Variants in TAAR1 observed in about 807,000 individuals in gnomAD.
TAAR1 encodes trace amine-associated receptor 1.
In TAAR1, 1 loss-of-function variant was observed where a neutral mutation model predicts 1.2. The ratio of observed to expected loss-of-function variants is 0.81; its 90% CI spans 0.29 to 3.86. The LOEUF (loss-of-function observed/expected upper bound fraction) is 3.86, where lower values mean the gene tolerates loss of function less well. TAAR1 is among the 30% of genes most tolerant of loss of function. The pLI, the probability that TAAR1 is intolerant of heterozygous loss-of-function variation, is 0.18. For synonymous variants in TAAR1, 153 were observed against 132.2 expected (o/e 1.16, Z -1.08); for missense variants, 445 against 405.6 (o/e 1.10, Z -0.83).
intron 1 of TAAR1, among the ~76,000 whole-genome samples, chr6:132,648,871 A>G (rs1777716638): frequency 1.3e-5 from 2 of 152,192 alleles, no homozygotes; most frequent in Admixed American, 6.5e-5. Context: ...GAAGTTAACA[A>G]ATTGCTGTTT....
intron 1 of TAAR1, among the ~76,000 whole-genome samples, chr6:132,647,623 GGA>G (rs1491058975): frequency 1.9e-5 from 2 of 103,070 alleles, no homozygotes; most frequent in Non-Finnish European, 3.6e-5. Context: ...GAAAGAAAAA[GGA>G]AAGAAAGAAA....
chr6:132,649,276 TA>T (rs1226909200), intron 1 of TAAR1, among the ~76,000 whole-genome samples: 1 of 152,146 alleles, frequency 6.6e-6, no homozygotes, highest in Admixed American at 6.6e-5. Flanking sequence ...TTGTTCTAAC[TA>T]AAACTCTCTC....
chr6:132,658,214 G>A (rs1012231290), intron 1 of TAAR1, among the ~76,000 whole-genome samples: 1 of 152,060 alleles, frequency 6.6e-6, no homozygotes, highest in African/African-American at 2.4e-5. Context: ...GGGGGAAAGA[G>A]ACCAGGGTGA....
intron 1 of TAAR1, among the ~76,000 whole-genome samples, chr6:132,652,885 A>T (rs1206216434): frequency 3.3e-5 from 5 of 151,714 alleles, no homozygotes; most frequent in Non-Finnish European, 7.4e-5. Flanking sequence ...TCAATAGCTG[A>T]TATTGAACAA....
chr6:132,657,684 AAT>A (rs1325109667), intron 1 of TAAR1, among the ~76,000 whole-genome samples: 1 of 152,070 alleles, frequency 6.6e-6, no homozygotes, highest in East Asian at 1.9e-4. Flanking sequence ...TCCAATTCTC[AAT>A]ATTGTTTACT....
rs1777639788 is a variant in TAAR1, at chr6:132,644,750, T to G, written c.*234A>C. 6.6e-6 allele frequency among the ~76,000 whole-genome samples: 1 copy of G among 152,076 alleles called. No homozygotes were observed. Among genetic ancestry groups the G allele is most frequent in the Non-Finnish European group, 1.5e-5 (1 of 67,978 alleles). ...GAAAAGTTATATAAAATGTAGGCCTTTAAATACTGGATTTGCAAAGTTCCA... is the reference window on the plus strand; with the variant it reads ...GAAAAGTTATATAAAATGTAGGCCTGTAAATACTGGATTTGCAAAGTTCCA... On this transcript the variant is annotated 3_prime_UTR_variant, in exon 2 of 2. Coordinates refer to ENST00000275216, the MANE Select transcript of TAAR1 (RefSeq NM_138327.4).
Position 132,644,204 on chromosome 6 carries a change from T to A in TAAR1, c.*780A>T, listed in dbSNP as rs1777631997. On this transcript the variant is annotated 3_prime_UTR_variant, in exon 2 of 2. Coordinates refer to ENST00000275216, the MANE Select transcript of TAAR1 (RefSeq NM_138327.4). The stretch of plus-strand genomic sequence containing the variant: ...TTATACAGCCACAAAAAGGGATTAC[T>A]CATAGCTCAAACCTCAGCATCATGC... Among the ~76,000 whole-genome samples, 1 of 152,018 alleles carries A rather than the reference T, an allele frequency of 6.6e-6. No individual in the cohort carries two copies. Among genetic ancestry groups the A allele is most frequent in the Non-Finnish European group, 1.5e-5 (1 of 67,938 alleles).
intron 1 of TAAR1, among the ~76,000 whole-genome samples, 23 bp downstream of exon 1, chr6:132,659,107 C>T (rs1317125223): frequency 6.6e-6 from 1 of 152,096 alleles, no homozygotes; most frequent in East Asian, 1.9e-4. Context: ...TTTGGTTTGG[C>T]TGTTCAGCAA....
chr6:132,645,314 C>T lies in TAAR1; in HGVS notation c.690G>A (p.Lys230=), dbSNP rs772679215. The T allele has an allele frequency of 1.2e-6, 2 of 1,613,504 alleles. No individual in the cohort carries two copies. The highest frequency in any genetic ancestry group is 1.1e-5 in the South Asian group (1 of 91,062). Residue 230 remains lysine (K), a synonymous_variant, in exon 2 of 2, where the codon AAG becomes AAA. Transcript: ENST00000275216. ...QARLISDANQ[K]LQIGLEMKNG... is the part of the protein sequence containing the mutation. ...TTTTCATTTCCAATCCAATTTGGAG[C>T]TTCTGATTGGCATCACTAATTAATC...
In TAAR1 at chr6:132,645,507, T is replaced by C. The variant is rs998277308; in HGVS notation, c.497A>G (p.Lys166Arg). 6.2e-7 allele frequency: 1 copy of C among 1,613,598 alleles called. No homozygotes were observed. The highest frequency in any genetic ancestry group is 1.3e-5 in the African/African-American group (1 of 74,850). The change falls in exon 2 of 2, where the codon AAA (lysine) becomes AGA (arginine). Residue 166 changes from lysine to arginine, a missense_variant. By Grantham distance (26) the Lys-to-Arg change is conservative. Transcript: ENST00000275216. ...FGMIFLELNF[K>R]GAEEIYYKHV... ...TTTGTAATATATCTCTTCAGCGCCT[T>C]TGAAGTTTAGCTCCAGAAAGATCAT...
In TAAR1 at chr6:132,645,772, G is replaced by A. The variant is rs749783881; in HGVS notation, c.232C>T (p.Pro78Ser). 2.5e-6 allele frequency: 4 copies of A among 1,613,702 alleles called. No homozygotes were observed. The highest frequency in any genetic ancestry group is 3.4e-6 in the Non-Finnish European group (4 of 1,179,830). Reference sequence around the variant, plus strand: ...TCAGCAGATCTCACCATACTGTAAGGCATGACCAGACACCCCAGAAGAAAG... The same window carrying A: ...TCAGCAGATCTCACCATACTGTAAGACATGACCAGACACCCCAGAAGAAAG... Reference protein sequence around the residue: ...VDFLLGCLVMPYSMVRSAEHC... With the variant: ...VDFLLGCLVMSYSMVRSAEHC... The change falls in exon 2 of 2, where the codon CCT (proline) becomes TCT (serine). Residue 78 changes from proline to serine, a missense_variant. By Grantham distance (74) the Pro-to-Ser change is moderately conservative (BLOSUM62 -1). Transcript: ENST00000275216.
rs747489268 is a variant in TAAR1, at chr6:132,645,822, AG to A, written c.181del (p.Leu61SerfsTer22). ...FKQLHTPTNW[L>X]IHSMATVDFL... ...GTCCACAGTGGCCATGGAATGAATG[AG>A]CCAATTTGTTGGGGTATGAAGTTGT... On this transcript the variant is annotated frameshift_variant, in exon 2 of 2. Transcript: ENST00000275216. LOFTEE classifies it low-confidence loss of function (END_TRUNC). The A allele has an allele frequency of 2.5e-5, 41 of 1,613,700 alleles. No homozygotes were observed. The Admixed American group carries it at 6.5e-4, about 26-fold the overall frequency.
Position 132,645,031 on chromosome 6 carries a change from G to C in TAAR1, c.973C>G (p.Gln325Glu), listed in dbSNP as rs760289913. 1.9e-6 allele frequency: 3 copies of C among 1,583,398 alleles called. No individual in the cohort carries two copies. The highest frequency in any genetic ancestry group is 1.4e-5 in the African/African-American group (1 of 72,914). The change falls in exon 2 of 2, where the codon CAA becomes GAA. Residue 325 changes from glutamine (Q) to glutamate (E), a missense_variant. Transcript: ENST00000275216. The stretch of plus-strand genomic sequence containing the variant: ...AATTTACACCTGGATGAATCTTTTT[G>C]GAAAATTTTACCAAACAGCATCATC... ...LKMMLFGKIF[Q>E]KDSSRCKLFL...
chr6:132,652,247 G>A (rs1304324935), intron 1 of TAAR1, among the ~76,000 whole-genome samples: 3 of 151,498 alleles, frequency 2.0e-5, no homozygotes, highest in East Asian at 1.9e-4. Context: ...AGAAGTGATT[G>A]AGATATGAAT....
At chr6:132,654,138 T>C (rs1366643205) in intron 1 of TAAR1, among the ~76,000 whole-genome samples, 1 of 152,150 alleles carries the variant, frequency 6.6e-6, no homozygotes, top group Non-Finnish European at 1.5e-5. Flanking sequence ...CCTTAAGTTT[T>C]TAACCATGTC....
chr6:132,645,405 T>A lies in TAAR1; in HGVS notation c.599A>T (p.Tyr200Phe). The A allele has an allele frequency of 1.2e-6, 2 of 1,613,610 alleles. No individual in the cohort carries two copies. Among genetic ancestry groups the A allele is most frequent in the Non-Finnish European group, 1.7e-6 (2 of 1,179,766 alleles). ...SGVLTFMTSFYIPGSIMLCVY... is the reference protein window; with the variant it reads ...SGVLTFMTSFFIPGSIMLCVY... ...ACATAACATAATAGATCCAGGTATA[T>A]AAAAAGAAGTCATAAAGGTCAGTAC... Residue 200 changes from tyrosine to phenylalanine, a missense_variant, in exon 2 of 2, where the codon TAT becomes TTT. Physicochemically the swap from Tyr to Phe is conservative, Grantham distance 22. Coordinates refer to ENST00000275216, the MANE Select transcript of TAAR1 (RefSeq NM_138327.4).
At chr6:132,647,623 GGAAAGAA>G (rs1415965942) in intron 1 of TAAR1, among the ~76,000 whole-genome samples, 1 of 103,070 alleles carries the variant, frequency 9.7e-6, no homozygotes, top group Non-Finnish European at 1.8e-5. Context: ...GAAAGAAAAA[GGAAAGAA>G]AGAAAGAAAG....
intron 1 of TAAR1, among the ~76,000 whole-genome samples, chr6:132,647,532 G>GGGAA (rs1432317106): frequency 2.2e-5 from 3 of 139,222 alleles, no homozygotes; most frequent in African/African-American, 8.6e-5. Flanking sequence ...GAGAGGAGGA[G>GGGAA]GGAAGGAAGG....
rs746529095 is a variant in TAAR1, at chr6:132,645,215, G to A, written c.789C>T (p.Cys263=). ...LGIVMGVFLI[C]WCPFFICTVM... ...CTGTACAGATAAAGAAAGGGCACCA[G>A]CATATTAGGAAAACTCCCATCACAA... Residue 263 remains cysteine, a synonymous_variant, in exon 2 of 2, where the codon TGC becomes TGT. Coordinates refer to ENST00000275216, the MANE Select transcript of TAAR1 (RefSeq NM_138327.4). 1 of 1,613,544 alleles carries A rather than the reference G, an allele frequency of 6.2e-7. No individual in the cohort carries two copies. The highest frequency in any genetic ancestry group is 1.7e-5 in the Admixed American group (1 of 59,936).
Sources: gnomAD v4.1 joint callset for allele counts (sites outside exome capture counted in the v4.1 genomes callset) on GRCh38, gnomAD v4.1.1 for gene constraint, MANE v1.5 for transcripts, NCBI Gene and HGNC (gene_info 2026-07-23, HGNC 2026-07-21) for gene names.